The following ADGRL2 variants were observed in gnomAD, a reference collection of about 807,000 sequenced individuals.
ADGRL2 encodes the protein adhesion G protein-coupled receptor L2, also known as calcium-independent alpha-latrotoxin receptor 2.
ADGRL2 carries 44 observed loss-of-function variants against 157.4 expected under a neutral mutation model. That is an observed-to-expected ratio of 0.28 (90% CI 0.22 to 0.36). The LOEUF is 0.36. ADGRL2 is among the 10% of genes least tolerant of loss of function. The pLI, the probability that ADGRL2 is intolerant of heterozygous loss-of-function variation, is 1.00. For synonymous variants in ADGRL2, 585 were observed against 624.7 expected, an observed-to-expected ratio of 0.94 and a Z score of 0.95; for missense variants, 1,510 against 1,768.9, an observed-to-expected ratio of 0.85 and a Z score of 2.63.
chr1:81,713,245 ACT>A (rs2149087974), intron 1 of ADGRL2, among the ~76,000 whole-genome samples: 1 of 152,152 alleles, frequency 6.6e-6, no homozygotes, highest in East Asian at 1.9e-4. Context: ...TTTGAGATAC[ACT>A]CTGAGACGTG....
chr1:81,706,240 T>G (rs1436718162), intron 1 of ADGRL2, among the ~76,000 whole-genome samples: 1 of 151,908 alleles, frequency 6.6e-6, no homozygotes, highest in Non-Finnish European at 1.5e-5. Context: ...TAAAAAAATT[T>G]TTTTAAAAAG....
At chr1:81,349,503 G>A (rs1328551031) in intron 1 of ADGRL2, among the ~76,000 whole-genome samples, 3 of 152,130 alleles carry the variant, frequency 2.0e-5, no homozygotes, top group Admixed American at 1.3e-4. Context: ...AGGAATGTGG[G>A]ATGGTATTGG....
intron 2 of ADGRL2, among the ~76,000 whole-genome samples, chr1:81,552,622 A>T (rs1376289995): frequency 6.6e-6 from 1 of 151,354 alleles, no homozygotes; most frequent in Admixed American, 6.6e-5. Flanking sequence ...AAAAAAAAAA[A>T]AACAGAAAAG....
At chr1:81,827,538 A>G (rs538937361) in intron 1 of ADGRL2, among the ~76,000 whole-genome samples, 4 of 152,332 alleles carry the variant, frequency 2.6e-5, no homozygotes, top group Non-Finnish European at 5.9e-5. Context: ...TAAGGTATAC[A>G]TATGGCTCTG....
At chr1:81,832,506 C>T (rs1273951538) in intron 1 of ADGRL2, among the ~76,000 whole-genome samples, 1 of 152,156 alleles carries the variant, frequency 6.6e-6, no homozygotes, top group Non-Finnish European at 1.5e-5. Flanking sequence ...AGTACCATGA[C>T]TAGAAATATT....
Position 81,664,460 on chromosome 1 carries a change from A to T in ADGRL2, c.-143+83480A>T, listed in dbSNP as rs149036719. 5.8e-3 allele frequency among the ~76,000 whole-genome samples: 880 copies of T among 152,294 alleles called. 8 individuals carry two copies. The highest frequency in any genetic ancestry group is 7.6e-3 in the Non-Finnish European group (514 of 68,014). ...GTGTTGATGTGCTTCCTTCTGAAAC[A>T]ATCAGTGACATTTCCTTAAAAAACA... is the stretch of plus-strand genomic sequence containing the variant. On this transcript the variant is annotated intron_variant, in intron 3 of 24. Coordinates refer to the ADGRL2 transcript ENST00000370721.
intron 2 of ADGRL2, among the ~76,000 whole-genome samples, chr1:81,785,318 A>G (rs1024625029): frequency 1.3e-5 from 2 of 152,166 alleles, no homozygotes; most frequent in African/African-American, 2.4e-5. Context: ...GAGTATTTCA[A>G]TGAGACTACT....
intron 2 of ADGRL2, among the ~76,000 whole-genome samples, chr1:81,525,049 C>A (rs563877962): frequency 6.6e-6 from 1 of 152,244 alleles, no homozygotes; most frequent in African/African-American, 2.4e-5. Flanking sequence ...ACTTCTCATA[C>A]TTTTTATATC....
At chr1:81,636,436 G>C (rs2082116690) in intron 3 of ADGRL2, among the ~76,000 whole-genome samples, 1 of 152,054 alleles carries the variant, frequency 6.6e-6, no homozygotes, top group African/African-American at 2.4e-5. Flanking sequence ...AGTGTTCACT[G>C]TCCCTTGCTT....
At chr1:81,617,968 T>G (rs1305969519) in intron 3 of ADGRL2, among the ~76,000 whole-genome samples, 1 of 152,200 alleles carries the variant, frequency 6.6e-6, no homozygotes, top group Admixed American at 6.5e-5. Flanking sequence ...TAGATGGCTA[T>G]AGACCTTCCA....
intron 2 of ADGRL2, among the ~76,000 whole-genome samples, chr1:81,448,860 C>T (rs74094005): frequency 6.6e-4 from 100 of 152,162 alleles, no homozygotes; most frequent in African/African-American, 2.2e-3. Flanking sequence ...ACTAATTTTA[C>T]TAGGGGGATG....
intron 3 of ADGRL2, among the ~76,000 whole-genome samples, chr1:81,611,769 C>T (rs1206386928): frequency 6.6e-6 from 1 of 152,118 alleles, no homozygotes; most frequent in African/African-American, 2.4e-5. Flanking sequence ...TATGGTTTGG[C>T]TCTATGTCCC....
In ADGRL2 at chr1:81,723,552, T is replaced by C. The variant is rs190067062; in HGVS notation, c.-143+23744T>C. Among the ~76,000 whole-genome samples the C allele has an allele frequency of 3.0e-3, 461 of 152,338 alleles. 2 individuals carry two copies. The highest frequency in any genetic ancestry group is 0.01 in the African/African-American group (434 of 41,580). ...GATTATTGCTCTAATTTGAGTGAAA[T>C]AAAAGTTTATTAGTGCGAGGCAAAC... On this transcript the variant is annotated intron_variant, in intron 1 of 20. Transcript: ENST00000359929.
intron 3 of ADGRL2, among the ~76,000 whole-genome samples, chr1:81,602,099 A>G (rs568022400): frequency 2.0e-5 from 3 of 149,650 alleles, no homozygotes; most frequent in South Asian, 2.2e-4. Context: ...CTCTCCATAT[A>G]TAGATTCTGC....
chr1:81,621,540 C>G (rs2148711990), intron 3 of ADGRL2, among the ~76,000 whole-genome samples: 1 of 152,268 alleles, frequency 6.6e-6, no homozygotes, highest in Middle Eastern at 3.4e-3. Flanking sequence ...TAATTCACAA[C>G]TAGTAAGAAA....
chr1:81,464,137 C>A (rs953071238), intron 2 of ADGRL2, among the ~76,000 whole-genome samples: 1 of 152,186 alleles, frequency 6.6e-6, no homozygotes, highest in Non-Finnish European at 1.5e-5. Flanking sequence ...GTGGAAACTC[C>A]CGTCAAATAC....
chr1:81,702,526 A>C (rs1314678499), intron 1 of ADGRL2, among the ~76,000 whole-genome samples: 1 of 152,226 alleles, frequency 6.6e-6, no homozygotes, highest in Non-Finnish European at 1.5e-5. Flanking sequence ...TGTACAACAC[A>C]GTAATTTCGG....
intron 1 of ADGRL2, among the ~76,000 whole-genome samples, chr1:81,715,228 C>T (rs2149096640): frequency 6.7e-6 from 1 of 149,854 alleles, no homozygotes; most frequent in African/African-American, 2.4e-5. Flanking sequence ...TTCAACCAAA[C>T]AGGCCACTCA....
Position 81,900,674 on chromosome 1 carries a change from T to A in ADGRL2, c.74-6343T>A, listed in dbSNP as rs559208923. 3.3e-5 allele frequency among the ~76,000 whole-genome samples: 5 copies of A among 152,312 alleles called. No homozygotes were observed. The South Asian group carries it at 6.2e-4, about 19-fold the overall frequency. On this transcript the variant is annotated intron_variant, in intron 2 of 23. Transcript: ENST00000686636. ...CATAAACTTTCTGTGCATTCTTAAC[T>A]AACTGGGAAGCTAAACACATGTACA... is the stretch of plus-strand genomic sequence containing the variant.
Sources: gnomAD v4.1 joint callset for allele counts (sites outside exome capture counted in the v4.1 genomes callset) on GRCh38, gnomAD v4.1.1 for gene constraint, MANE v1.5 for transcripts, NCBI Gene and HGNC (gene_info 2026-07-23, HGNC 2026-07-21) for gene names.